FAM9C: variants seen among roughly 807,000 people sequenced by gnomAD.
FAM9C encodes the protein protein FAM9C.
Under a neutral mutation model 14.8 loss-of-function variants are expected in FAM9C, and 15 were observed. The observed-to-expected ratio is 1.02, with a 90% CI of 0.68 to 1.56. The LOEUF is 1.56. Ranked by LOEUF, FAM9C falls within the 40% of genes most tolerant of loss-of-function variation. The pLI is 0.00. For missense variants in FAM9C, 116 were observed against 118.0 expected, an observed-to-expected ratio of 0.98 and a Z score of 0.08; for synonymous variants, 45 against 37.5, an observed-to-expected ratio of 1.20 and a Z score of -0.74.
chrX:13,039,655 T>A, intron 6 of FAM9C, 153 bp downstream of exon 6: 1 of 614,354 alleles, frequency 1.6e-6, no homozygotes, highest in African/African-American at 2.4e-5. Context: ...TAATGCTGCA[T>A]GGCAATTATA....
chrX:13,039,755 T>C (rs1395049639), intron 6 of FAM9C, 53 bp downstream of exon 6: 3 of 1,161,152 alleles, frequency 2.6e-6, no homozygotes, highest in Non-Finnish European at 3.4e-6. Context: ...GAACTATTAC[T>C]ACCTGAGACA....
At chrX:13,040,440 C>T (rs912347196) in intron 5 of FAM9C, 2 of 318,377 alleles carry the variant, frequency 6.3e-6, no homozygotes, top group African/African-American at 5.6e-5. Context: ...TAAGAATCTA[C>T]AGACTAAACG....
At position 13,038,466 on chromosome X, in the gene FAM9C, T is replaced by C. The variant is rs1206663406; in HGVS notation, c.476A>G (p.Asp159Gly). The change falls in exon 7 of 8, where the codon GAT becomes GGT. Residue 159 changes from aspartate (D) to glycine (G), a missense_variant. Physicochemically the swap from Asp to Gly is moderately conservative, Grantham distance 94. Coordinates refer to ENST00000380625, the MANE Select transcript of FAM9C (RefSeq NM_174901.6). ...FQEQQKRWQQDGKGTERD is the reference protein window; with the variant it reads ...FQEQQKRWQQGGKGTERD ...TCAATCTCTTTCAGTTCCTTTCCCA[T>C]CTTGTTGCCACCTCTTTTGTTGCTC... 8.3e-7 allele frequency: 1 copy of C among 1,205,760 alleles called. No homozygotes were observed. Among genetic ancestry groups the C allele is most frequent in the Non-Finnish European group, 1.1e-6 (1 of 893,604 alleles).
chrX:13,039,785 A>C (rs1379585230), intron 6 of FAM9C, 23 bp downstream of exon 6: 3 of 1,184,734 alleles, frequency 2.5e-6, no homozygotes, highest in African/African-American at 1.8e-5. Context: ...TAGGTTAATC[A>C]TAAAGCTAAG....
At chrX:13,040,948 G>A (rs1405384127) in intron 4 of FAM9C, 76 bp from the exon 5 acceptor site, 22 of 523,026 alleles carry the variant, frequency 4.2e-5, no homozygotes, top group Non-Finnish European at 6.2e-5. Flanking sequence ...ATCAATATGG[G>A]ACTTGATGGT....
intron 7 of FAM9C, chrX:13,036,802 C>T (rs942027774): frequency 2.7e-5 from 3 of 110,322 alleles, no homozygotes; most frequent in South Asian, 3.7e-4. Context: ...CAAATATGCA[C>T]GAATAAAAAA....
intron 3 of FAM9C, 66 bp downstream of exon 3, chrX:13,043,062 A>G (rs1602494674): frequency 8.5e-7 from 1 of 1,178,353 alleles, no homozygotes; most frequent in East Asian, 3.0e-5. Flanking sequence ...CAGTGATGAC[A>G]TGATCCAAAG....
chrX:13,042,891 A>T, intron 4 of FAM9C, 27 bp downstream of exon 4: 1 of 1,208,291 alleles, frequency 8.3e-7, no homozygotes, highest in Non-Finnish European at 1.1e-6. Context: ...CAATTTTCAT[A>T]AACCACAAAT....
chrX:13,043,138 C>T lies in FAM9C; in HGVS notation c.172G>A (p.Glu58Lys). The T allele has an allele frequency of 8.3e-7, 1 of 1,208,284 alleles. No homozygotes were observed. Among genetic ancestry groups the T allele is most frequent in the Non-Finnish European group, 1.1e-6 (1 of 894,373 alleles). ...ACTTAAACACTTTACCCCGTGTGTT[C>T]ATCTGTTTCAGCAAAAGATCCTCTT... ...GERGSFAETD[E>K]HTGVDTKELE... Residue 58 changes from glutamate to lysine, a missense_variant, in exon 3 of 8, where the codon GAA becomes AAA. Glu to Lys is a moderately conservative substitution (Grantham distance 56). Transcript: ENST00000380625.
In FAM9C at chrX:13,040,566, G is replaced by A. The variant is rs1343037447; in HGVS notation, c.329+192C>T. ...AAGAGGTCATCTTCATTGGCTTCTA[G>A]GTAATATCTCTCAATTCTGTTAAAT... is the stretch of plus-strand genomic sequence containing the variant. On this transcript the variant is annotated intron_variant, in intron 5 of 7. Coordinates refer to ENST00000380625, the MANE Select transcript of FAM9C (RefSeq NM_174901.6). 17 of 315,345 alleles carry A rather than the reference G, an allele frequency of 5.4e-5. No individual in the cohort carries two copies. The South Asian group carries it at 1.2e-3, about 22-fold the overall frequency. The allele number at this position is 315,345 out of a possible 1,213,427, so 26.0% of individuals were successfully genotyped here.
intron 3 of FAM9C, 78 bp from the exon 4 acceptor site, chrX:13,043,027 G>A: frequency 8.6e-7 from 1 of 1,164,625 alleles, no homozygotes; most frequent in Non-Finnish European, 1.1e-6. Context: ...AATGTCTTGT[G>A]TGAAATGTTC....
chrX:13,038,329 T>C lies in FAM9C; in HGVS notation c.*25+87A>G, dbSNP rs373476193. On this transcript the variant is annotated intron_variant, in intron 7 of 7. Transcript: ENST00000380625. ...AATGTATAACCAAAATGTCTTTCCA[T>C]ACATTCAGAAACAAGCAGATTGTCT... The C allele has an allele frequency of 1.5e-4, 113 of 750,059 alleles. 1 individual carries two copies. In the East Asian group the frequency reaches 2.7e-3, roughly 18 times the overall value. The allele number at this position is 750,059 out of a possible 1,213,427, so 61.8% of individuals were successfully genotyped here. A position where few individuals can be genotyped will look rare whatever the true frequency, so the allele number is the denominator to read the frequency against.
chrX:13,039,772 C>T, intron 6 of FAM9C, 36 bp downstream of exon 6: 1 of 1,177,771 alleles, frequency 8.5e-7, no homozygotes, highest in Non-Finnish European at 1.1e-6. Context: ...GACATTGATA[C>T]AATAGGTTAA....
Position 13,043,224 on chromosome X carries a change from T to C in FAM9C, c.86A>G (p.His29Arg), listed in dbSNP as rs2043543082. 1 of 1,206,876 alleles carries C rather than the reference T, an allele frequency of 8.3e-7. No individual in the cohort carries two copies. Residue 29 changes from histidine to arginine, a missense_variant, in exon 3 of 8, where the codon CAT becomes CGT. By Grantham distance (29) the His-to-Arg change is conservative (BLOSUM62 0). Transcript: ENST00000380625. The part of the protein sequence containing the change: ...LAGKDPVSHE[H>R]EERKPVTETK... Reference sequence around the variant, plus strand: ...CTCTGTAACAGGTTTTCTTTCCTCATGCTCATGACTTACTGGATCCTTTCC... The same window carrying C: ...CTCTGTAACAGGTTTTCTTTCCTCACGCTCATGACTTACTGGATCCTTTCC...
At chrX:13,043,689 G>T in intron 2 of FAM9C, 40 bp downstream of exon 2, 1 of 1,202,931 alleles carries the variant, frequency 8.3e-7, no homozygotes. Flanking sequence ...CAGACTGTTG[G>T]GCGTGCACCT....
At chrX:13,044,103 G>A (rs1456044813) in intron 1 of FAM9C, among the ~76,000 whole-genome samples, 1 of 112,098 alleles carries the variant, frequency 8.9e-6, no homozygotes, top group Non-Finnish European at 1.9e-5. Context: ...GCCTGGCCCT[G>A]CCCCTGGGTT....
At chrX:13,042,550 G>A (rs1393487094) in intron 4 of FAM9C, 1 of 180,300 alleles carries the variant, frequency 5.5e-6, no homozygotes, top group Non-Finnish European at 1.0e-5. Flanking sequence ...ACCTGCACAT[G>A]TACCCCCAAA....
In FAM9C at chrX:13,040,442, G is replaced by A. The variant is rs189462126; in HGVS notation, c.329+316C>T. 10 of 309,857 alleles carry A rather than the reference G, an allele frequency of 3.2e-5. No individual in the cohort carries two copies. In the East Asian group the frequency reaches 1.5e-3, roughly 47 times the overall value. The allele number at this position is 309,857 out of a possible 1,213,427, so 25.5% of individuals were successfully genotyped here. Reference sequence around the variant, plus strand: ...AATTGAATATTGTTAAGAATCTACAGACTAAACGTTGAAGACATTTATCTT... The same window carrying A: ...AATTGAATATTGTTAAGAATCTACAAACTAAACGTTGAAGACATTTATCTT... On this transcript the variant is annotated intron_variant, in intron 5 of 7. Coordinates refer to ENST00000380625, the MANE Select transcript of FAM9C (RefSeq NM_174901.6).
At chrX:13,040,407 C>T (rs1410484567) in intron 5 of FAM9C, 43 of 472,952 alleles carry the variant, frequency 9.1e-5, no homozygotes, top group Non-Finnish European at 1.1e-4. Context: ...AAGGTTATCC[C>T]TTTCTACATA....
Sources: allele counts gnomAD v4.1 joint callset (sites outside exome capture counted in the v4.1 genomes callset), GRCh38; gene constraint gnomAD v4.1.1; transcripts MANE v1.5; gene names NCBI Gene and HGNC (gene_info 2026-07-23, HGNC 2026-07-21).